Variants in DPEP2 observed in about 807,000 individuals in gnomAD.
DPEP2 encodes dipeptidase 2.
DPEP2 carries 45 observed loss-of-function variants against 51.8 expected under a neutral mutation model. The observed-to-expected ratio is 0.87, with a 90% CI of 0.68 to 1.11. The LOEUF (loss-of-function observed/expected upper bound fraction) is 1.11, where lower values mean the gene tolerates loss of function less well. Ranked by LOEUF, DPEP2 falls within the 50% of genes most tolerant of loss-of-function variation. The pLI is 0.00. For synonymous variants in DPEP2, 255 were observed against 262.7 expected (o/e 0.97, Z 0.28); for missense variants, 604 against 631.9 (o/e 0.96, Z 0.47).
At chr16:67,996,093 C>T (rs60342335) in intron 1 of DPEP2, among the ~76,000 whole-genome samples, 13,868 of 152,042 alleles carry the variant, frequency 0.091, 1,013 homozygotes, top group African/African-American at 0.21. Flanking sequence ...GGCTGGACTG[C>T]AGTGGTGCAG....
intron 1 of DPEP2, among the ~76,000 whole-genome samples, chr16:67,996,999 A>ATGT (rs1555506651): frequency 4.3e-5 from 6 of 139,116 alleles, no homozygotes; most frequent in African/African-American, 1.3e-4. Context: ...ATAGATAATG[A>ATGT]TATTATTATT....
intron 7 of DPEP2, 139 bp from the exon 8 acceptor site, chr16:67,990,270 A>T: frequency 1.3e-6 from 1 of 746,374 alleles, no homozygotes; most frequent in Admixed American, 2.4e-5. Context: ...CTGGTTTTGT[A>T]TGAAGGGAGG....
At chr16:67,995,735 G>A (rs1435760677) in intron 1 of DPEP2, among the ~76,000 whole-genome samples, 4 of 152,170 alleles carry the variant, frequency 2.6e-5, no homozygotes, top group Non-Finnish European at 4.4e-5. Context: ...AGGCCGAGGT[G>A]GGTGGATCAT....
intron 1 of DPEP2, among the ~76,000 whole-genome samples, chr16:67,996,604 A>G (rs573506068): frequency 6.6e-6 from 1 of 151,252 alleles, no homozygotes; most frequent in East Asian, 1.9e-4. Context: ...CTGGTCTTGA[A>G]CTCCTGACCT....
At chr16:67,993,618 C>A in intron 1 of DPEP2, 1 of 995,320 alleles carries the variant, frequency 1.0e-6, no homozygotes, top group Non-Finnish European at 1.2e-6. Flanking sequence ...GTGCTTCCCC[C>A]AAACAGTGGC....
At position 67,994,814 on chromosome 16, in the gene DPEP2, C is replaced by G; in HGVS notation, c.-45-1557G>C. 3 of 985,346 alleles carry G rather than the reference C, an allele frequency of 3.0e-6. No individual in the cohort carries two copies. In the African/African-American group the frequency reaches 5.2e-5, roughly 17 times the overall value. The allele number at this position is 985,346 out of a possible 1,614,324, so 61.0% of individuals were successfully genotyped here. ...TTAGGGACTGCACACTTGATGTTGC[C>G]CAGTGTCTGCTGTCCAGGAGGAAGG... is the stretch of plus-strand genomic sequence containing the variant. On this transcript the variant is annotated intron_variant, in intron 1 of 10. Transcript: ENST00000393847.
At chr16:67,992,715 C>A in intron 2 of DPEP2, 79 bp from the exon 3 acceptor site, 1 of 1,559,186 alleles carries the variant, frequency 6.4e-7, no homozygotes, top group African/African-American at 1.3e-5. Flanking sequence ...AAGGACACAT[C>A]TGGGGATCCC....
chr16:67,988,079 C>G (rs986130473), intron 9 of DPEP2, 92 bp from the exon 10 acceptor site: 36 of 1,562,074 alleles, frequency 2.3e-5, no homozygotes, highest in Non-Finnish European at 1.7e-6. Context: ...CAGCCCTGGT[C>G]AGGTATGGGA....
At chr16:67,995,714 A>G (rs2032649456) in intron 1 of DPEP2, among the ~76,000 whole-genome samples, 1 of 152,208 alleles carries the variant, frequency 6.6e-6, no homozygotes, top group Admixed American at 6.5e-5. Context: ...CCGTGATCCC[A>G]GCACTTTGGG....
Position 67,990,829 on chromosome 16 carries a change from G to T in DPEP2, c.901C>A (p.Gln301Lys), listed in dbSNP as rs200694435. The change falls in exon 7 of 11, where the codon CAG becomes AAG. Residue 301 changes from glutamine (Q) to lysine (K), a missense_variant. Gln to Lys is a moderately conservative substitution (Grantham distance 53, BLOSUM62 1). Transcript: ENST00000393847. ...SARNVPDDIL[Q>K]LLKKNGGVVM... ...GCTGGGCAGTTTCTCACCAGAAGCTGCAGGATGTCATCAGGAACATTCCGA... is the reference window on the plus strand; with the variant it reads ...GCTGGGCAGTTTCTCACCAGAAGCTTCAGGATGTCATCAGGAACATTCCGA... The T allele has an allele frequency of 2.0e-4, 324 of 1,612,584 alleles. No individual in the cohort carries two copies. The highest frequency in any genetic ancestry group is 2.7e-4 in the Non-Finnish European group (316 of 1,178,868).
chr16:67,987,393 GT>G lies in DPEP2; in HGVS notation c.*112del. On this transcript the variant is annotated 3_prime_UTR_variant, in exon 11 of 11. Transcript: ENST00000393847. ...ATTGCAGAGAAGGAAACTCAGGTCT[GT>G]TTCTATGTCCAAAACATTTATTTCA... 6.8e-7 allele frequency: 1 copy of G among 1,459,928 alleles called. No individual in the cohort carries two copies. Among genetic ancestry groups the G allele is most frequent in the Non-Finnish European group, 9.3e-7 (1 of 1,077,798 alleles). 90.4% of individuals were successfully genotyped at this position (1,459,928 alleles called of 1,614,324 possible).
chr16:67,998,165 G>T (rs944256048), intron 1 of DPEP2, among the ~76,000 whole-genome samples: 12 of 152,184 alleles, frequency 7.9e-5, no homozygotes, highest in Non-Finnish European at 1.5e-5. Context: ...CCCCTTTCTG[G>T]GCTGGCCAAG....
intron 9 of DPEP2, 104 bp downstream of exon 9, chr16:67,989,219 C>T (rs1393075424): frequency 9.6e-6 from 12 of 1,246,578 alleles, no homozygotes; most frequent in Non-Finnish European, 1.4e-5. Flanking sequence ...GAGAACTGAT[C>T]CCGGGAGTGT....
chr16:67,993,839 C>T, intron 1 of DPEP2: 1 of 985,520 alleles, frequency 1.0e-6, no homozygotes, highest in Non-Finnish European at 1.2e-6. Context: ...CAGGAAGGGG[C>T]CCCCTGGCCC....
At chr16:67,992,897 C>A in intron 2 of DPEP2, 53 bp downstream of exon 2, 1 of 1,560,206 alleles carries the variant, frequency 6.4e-7, no homozygotes, top group Non-Finnish European at 8.7e-7. Context: ...TGGGACCCTC[C>A]CTTGCCCAGG....
In DPEP2 at chr16:67,987,463, C is replaced by CTG; in HGVS notation, c.*41_*42dup. The CTG allele has an allele frequency of 1.9e-6, 3 of 1,580,990 alleles. No individual in the cohort carries two copies. The highest frequency in any genetic ancestry group is 2.6e-6 in the Non-Finnish European group (3 of 1,157,380). On this transcript the variant is annotated 3_prime_UTR_variant, in exon 11 of 11. Transcript: ENST00000393847. ...ACAACAGGGGAACTTTGTGGGGTGT[C>CTG]TGTGGCTTGCTACAGTGACATCTGG...
chr16:67,993,250 C>T lies in DPEP2; in HGVS notation c.-38G>A. The T allele has an allele frequency of 7.1e-7, 1 of 1,406,930 alleles. No individual in the cohort carries two copies. The highest frequency in any genetic ancestry group is 1.6e-5 in the South Asian group (1 of 64,172). The allele number at this position is 1,406,930 out of a possible 1,614,324, so 87.2% of individuals were successfully genotyped here. A position where few individuals can be genotyped will look rare whatever the true frequency, so the allele number is the denominator to read the frequency against. On this transcript the variant is annotated 5_prime_UTR_variant, in exon 2 of 11. An upstream open reading frame in the 5' UTR loses its in-frame stop. Transcript: ENST00000393847. The stretch of plus-strand genomic sequence containing the variant: ...CGGGCAGGCAGGCAGGGGTGGCAGT[C>T]AGAGAGCCTGAGAGGGGCGGGCGAG...
At chr16:67,997,132 A>C (rs2032745426) in intron 1 of DPEP2, among the ~76,000 whole-genome samples, 1 of 150,518 alleles carries the variant, frequency 6.6e-6, no homozygotes, top group African/African-American at 2.4e-5. Flanking sequence ...TCCTGGGTTC[A>C]AGTGATTCTC....
At chr16:67,999,517 A>G (rs1480846439), upstream of DPEP2, 1 of 986,268 alleles carries the variant, frequency 1.0e-6, no homozygotes, top group Non-Finnish European at 1.2e-6. Context: ...GGGCACAGAG[A>G]TGGCTTTGGG....
Sources: gnomAD v4.1 joint callset for allele counts (sites outside exome capture counted in the v4.1 genomes callset) on GRCh38, gnomAD v4.1.1 for gene constraint, MANE v1.5 for transcripts, NCBI Gene and HGNC (gene_info 2026-07-23, HGNC 2026-07-21) for gene names.